Variants in PCDH9 observed in about 807,000 individuals in gnomAD.
PCDH9 encodes protocadherin 9, also known as protocadherin-9.
PCDH9 carries 24 observed loss-of-function variants against 70.6 expected under a neutral mutation model. That is an observed-to-expected ratio of 0.34 (90% confidence interval 0.25 to 0.48). PCDH9 has a LOEUF of 0.48. PCDH9 is among the 20% of genes least tolerant of loss of function. The pLI, the probability that PCDH9 is intolerant of heterozygous loss-of-function variation, is 0.99. For missense variants in PCDH9, 1,281 were observed against 1,503.6 expected (o/e 0.85, Z 2.45); for synonymous variants, 562 against 558.5 (o/e 1.01, Z -0.09).
chr13:66,537,045 A>G (rs960948725), intron 4 of PCDH9, among the ~76,000 whole-genome samples: 2 of 152,166 alleles, frequency 1.3e-5, no homozygotes, highest in Admixed American at 6.6e-5. Flanking sequence ...ATCTCTCAAC[A>G]CTGCTGTTTT....
chr13:66,877,142 G>T (rs2081828096), intron 3 of PCDH9, among the ~76,000 whole-genome samples: 1 of 151,736 alleles, frequency 6.6e-6, no homozygotes, highest in Non-Finnish European at 1.5e-5. Context: ...ACCAGTGTAT[G>T]CTATTTTTGA....
intron 4 of PCDH9, among the ~76,000 whole-genome samples, chr13:66,348,403 T>G (rs1388221627): frequency 3.9e-3 from 1 of 254 alleles, no homozygotes; most frequent in Non-Finnish European, 0.05. Context: ...TTTCTTTTCT[T>G]TTTTTTTTTT....
At chr13:66,927,629 T>G (rs1422584423) in intron 2 of PCDH9, among the ~76,000 whole-genome samples, 1 of 152,104 alleles carries the variant, frequency 6.6e-6, no homozygotes, top group Non-Finnish European at 1.5e-5. Context: ...TAGACAGGGT[T>G]AGATTCTTCT....
At chr13:66,966,446 A>G (rs1594323024) in intron 2 of PCDH9, among the ~76,000 whole-genome samples, 1 of 152,124 alleles carries the variant, frequency 6.6e-6, no homozygotes, top group East Asian at 1.9e-4. Flanking sequence ...GCTACTCTGT[A>G]TGGCGTCTGT....
chr13:67,067,304 AG>A (rs2138143937), intron 2 of PCDH9, among the ~76,000 whole-genome samples: 1 of 152,296 alleles, frequency 6.6e-6, no homozygotes, highest in Non-Finnish European at 1.5e-5. Flanking sequence ...ATAATTTACT[AG>A]TGACAAGAAA....
At chr13:66,575,505 A>G (rs947354559) in intron 4 of PCDH9, among the ~76,000 whole-genome samples, 8 of 152,120 alleles carry the variant, frequency 5.3e-5, no homozygotes, top group African/African-American at 1.9e-4. Flanking sequence ...GAAGGTCCAC[A>G]TGGCCCTGTA....
intron 3 of PCDH9, among the ~76,000 whole-genome samples, chr13:66,700,893 T>G (rs11617128): frequency 0.3 from 40,877 of 135,246 alleles, 7,256 homozygotes; most frequent in East Asian, 0.5. Flanking sequence ...CTATGTTATA[T>G]ATATATGAAA....
At chr13:66,725,453 AG>A (rs1055235012) in intron 3 of PCDH9, among the ~76,000 whole-genome samples, 1 of 152,158 alleles carries the variant, frequency 6.6e-6, no homozygotes, top group Non-Finnish European at 1.5e-5. Context: ...GTGAATGACA[AG>A]CTTTTAATTT....
intron 3 of PCDH9, among the ~76,000 whole-genome samples, chr13:66,776,155 A>T (rs1486785912): frequency 6.6e-6 from 1 of 151,944 alleles, no homozygotes; most frequent in Non-Finnish European, 1.5e-5. Context: ...ATCTATGACA[A>T]ACCCACAGCC....
At chr13:66,873,361 A>G (rs1239888705) in intron 3 of PCDH9, among the ~76,000 whole-genome samples, 1 of 152,156 alleles carries the variant, frequency 6.6e-6, no homozygotes, top group African/African-American at 2.4e-5. Flanking sequence ...CCTACATTTA[A>G]AGTATAAAAT....
chr13:66,721,697 C>G (rs528188289), intron 3 of PCDH9, among the ~76,000 whole-genome samples: 1 of 152,250 alleles, frequency 6.6e-6, no homozygotes, highest in East Asian at 1.9e-4. Flanking sequence ...GCAGCTGCTC[C>G]CATTCTGAAA....
intron 4 of PCDH9, among the ~76,000 whole-genome samples, chr13:66,456,398 A>G: frequency 6.6e-6 from 1 of 152,072 alleles, no homozygotes; most frequent in Non-Finnish European, 1.5e-5. Context: ...AGCGGCTAGG[A>G]CTACAGAGGT....
intron 2 of PCDH9, among the ~76,000 whole-genome samples, chr13:67,193,342 C>A (rs986145403): frequency 6.0e-5 from 9 of 150,088 alleles, no homozygotes; most frequent in South Asian, 2.1e-4. Context: ...AACACACACA[C>A]ACACACACAC....
intron 4 of PCDH9, among the ~76,000 whole-genome samples, chr13:66,321,875 T>C (rs947903767): frequency 1.3e-5 from 2 of 151,966 alleles, no homozygotes; most frequent in African/African-American, 2.4e-5. Flanking sequence ...ATTCTTTGTT[T>C]ATTTCCTTGC....
chr13:66,779,115 T>C (rs1566188680), intron 3 of PCDH9, among the ~76,000 whole-genome samples: 1 of 152,142 alleles, frequency 6.6e-6, no homozygotes, highest in Non-Finnish European at 1.5e-5. Context: ...TGCAGTCTCC[T>C]AGATTTTGGT....
chr13:66,796,740 A>G (rs2080248016), intron 3 of PCDH9, among the ~76,000 whole-genome samples: 2 of 152,210 alleles, frequency 1.3e-5, no homozygotes, highest in Non-Finnish European at 2.9e-5. Flanking sequence ...TTCAAGAAGC[A>G]CAAAGCCTAG....
At chr13:66,570,606 T>C (rs2076720645) in intron 4 of PCDH9, among the ~76,000 whole-genome samples, 2 of 152,246 alleles carry the variant, frequency 1.3e-5, no homozygotes, top group South Asian at 4.2e-4. Flanking sequence ...ATTATATCTA[T>C]TAACATTTCA....
At chr13:67,040,274 T>G (rs2085086501) in intron 2 of PCDH9, among the ~76,000 whole-genome samples, 1 of 152,138 alleles carries the variant, frequency 6.6e-6, no homozygotes, top group Admixed American at 6.5e-5. Context: ...GATTTATTCT[T>G]GAGGGTGAAT....
chr13:66,508,867 A>G (rs1338840045), intron 4 of PCDH9, among the ~76,000 whole-genome samples: 2 of 152,226 alleles, frequency 1.3e-5, no homozygotes, highest in African/African-American at 4.8e-5. Context: ...GTAGTAGAGT[A>G]TAATTGTCAT....
Sources: gnomAD v4.1 joint callset for allele counts (sites outside exome capture counted in the v4.1 genomes callset) on GRCh38, gnomAD v4.1.1 for gene constraint, MANE v1.5 for transcripts, NCBI Gene and HGNC (gene_info 2026-07-23, HGNC 2026-07-21) for gene names.